MYH4: variants seen among roughly 807,000 people sequenced by gnomAD.
MYH4 encodes the protein myosin-4.
MYH4 carries 200 observed loss-of-function variants against 229.9 expected under a neutral mutation model. The observed-to-expected ratio is 0.87, with a 90% CI of 0.78 to 0.98. The LOEUF is 0.98. Among genes scored for constraint, MYH4 ranks in the 50% least tolerant of loss-of-function variants. The pLI, the probability that MYH4 is intolerant of heterozygous loss-of-function variation, is 0.00. For synonymous variants in MYH4, 761 were observed against 834.6 expected (o/e 0.91, Z 1.52); for missense variants, 2,148 against 2,332.6 (o/e 0.92, Z 1.63).
In MYH4 at chr17:10,452,052, C is replaced by T. The variant is rs2072579986; in HGVS notation, c.3627G>A (p.Glu1209=). The change falls in exon 27 of 40, where the codon GAG becomes GAA. Residue 1209 remains glutamate, a synonymous_variant. Coordinates refer to ENST00000255381, the MANE Select transcript of MYH4 (RefSeq NM_017533.2). ...KHADSVAELG[E]QIDSLQRVKQ... Reference sequence around the variant, plus strand: ...TGACCCGCTGAAGGCTGTCAATCTGCTCCCCAAGCTCAGCCACACTATCTG... The same window carrying T: ...TGACCCGCTGAAGGCTGTCAATCTGTTCCCCAAGCTCAGCCACACTATCTG... The T allele has an allele frequency of 4.3e-6, 7 of 1,613,928 alleles. No homozygotes were observed. Among genetic ancestry groups the T allele is most frequent in the Non-Finnish European group, 5.9e-6 (7 of 1,179,962 alleles).
chr17:10,449,973 A>G (rs949798740), intron 30 of MYH4, among the ~76,000 whole-genome samples: 5 of 152,200 alleles, frequency 3.3e-5, no homozygotes, highest in Non-Finnish European at 7.3e-5. Context: ...GTCCGCAAAC[A>G]GTACGTGTAA....
Position 10,457,603 on chromosome 17 carries a change from C to A in MYH4, c.1714G>T (p.Ala572Ser), listed in dbSNP as rs541313954. ...KSNNFQKPKP[A>S]KGKPEAHFSL... Reference sequence around the variant, plus strand: ...AAGTGAGCCTCAGGCTTGCCTTTGGCAGGCTTGGGCTTCTGGAAGTTGTTG... The same window carrying A: ...AAGTGAGCCTCAGGCTTGCCTTTGGAAGGCTTGGGCTTCTGGAAGTTGTTG... The change falls in exon 16 of 40, where the codon GCC becomes TCC. Residue 572 changes from alanine to serine, a missense_variant. Transcript: ENST00000255381. The A allele has an allele frequency of 1.2e-6, 2 of 1,614,196 alleles. No individual in the cohort carries two copies. Among genetic ancestry groups the A allele is most frequent in the East Asian group, 4.5e-5 (2 of 44,872 alleles).
At position 10,455,516 on chromosome 17, in the gene MYH4, G is replaced by A; in HGVS notation, c.2174+98C>T. On this transcript the variant is annotated intron_variant, in intron 19 of 39. Coordinates refer to ENST00000255381, the MANE Select transcript of MYH4 (RefSeq NM_017533.2). The stretch of plus-strand genomic sequence containing the variant: ...TTTTATGATCAATTTTCAAATAATT[G>A]CATGTCATTTTTCAAGGAAAAGTTT... The A allele has an allele frequency of 2.7e-6, 4 of 1,472,470 alleles. No individual in the cohort carries two copies. In the South Asian group the frequency reaches 5.0e-5, roughly 18 times the overall value. 91.2% of individuals were successfully genotyped at this position (1,472,470 alleles called of 1,614,324 possible). A position where few individuals can be genotyped will look rare whatever the true frequency, so the allele number is the denominator to read the frequency against.
chr17:10,448,592 G>T, intron 32 of MYH4, 26 bp downstream of exon 32: 1 of 1,608,616 alleles, frequency 6.2e-7, no homozygotes, highest in Non-Finnish European at 8.5e-7. Flanking sequence ...TACCATTTTT[G>T]AAATAGAATG....
At chr17:10,453,086 G>A in intron 24 of MYH4, 66 bp downstream of exon 24, 1 of 1,605,736 alleles carries the variant, frequency 6.2e-7, no homozygotes, top group South Asian at 1.1e-5. Flanking sequence ...ATGACTATCA[G>A]TGCTGGTTTC....
At chr17:10,462,343 G>C (rs1293551056) in intron 11 of MYH4, among the ~76,000 whole-genome samples, 1 of 152,086 alleles carries the variant, frequency 6.6e-6, no homozygotes, top group Admixed American at 6.6e-5. Context: ...GGCTTATGGA[G>C]TCCCCAAAAT....
At chr17:10,454,031 G>A (rs1057413204) in intron 22 of MYH4, 146 bp from the exon 23 acceptor site, 17 of 1,093,850 alleles carry the variant, frequency 1.6e-5, no homozygotes, top group Non-Finnish European at 2.1e-5. Flanking sequence ...CAGACAAAAT[G>A]TTAATACTGT....
chr17:10,448,914 A>G lies in MYH4; in HGVS notation c.4315T>C (p.Ser1439Pro). The G allele has an allele frequency of 6.2e-7, 1 of 1,614,168 alleles. No individual in the cohort carries two copies. The highest frequency in any genetic ancestry group is 8.5e-7 in the Non-Finnish European group (1 of 1,180,018). The change falls in exon 31 of 40, where the codon TCT becomes CCT. Residue 1439 changes from serine (S) to proline (P), a missense_variant. Coordinates refer to ENST00000255381, the MANE Select transcript of MYH4 (RefSeq NM_017533.2). ...TCGAGAGCTATGCAGGCAGCATTAG[A>G]TCGTTCCACATCAATCATGAGGTCC... ...VEDLMIDVER[S>P]NAACIALDKK...
Position 10,447,906 on chromosome 17 carries a change from A to C in MYH4, c.4877T>G (p.Leu1626Arg), listed in dbSNP as rs2072529200. 15 of 1,614,028 alleles carry C rather than the reference A, an allele frequency of 9.3e-6. No homozygotes were observed. Among genetic ancestry groups the C allele is most frequent in the Non-Finnish European group, 1.2e-5 (14 of 1,179,994 alleles). The change falls in exon 34 of 40, where the codon CTT becomes CGT. Residue 1626 changes from leucine to arginine, a missense_variant. By Grantham distance (102) the Leu-to-Arg change is moderately radical. Transcript: ENST00000255381. ...LRIKKKMEGD[L>R]NEMEIQLNHA... is the part of the protein sequence containing the mutation. ...GTTCAGCTGGATTTCCATTTCATTA[A>C]GATCTCCCTCCATCTTCTTCTTGAT... is the stretch of plus-strand genomic sequence containing the variant.
chr17:10,449,045 T>C lies in MYH4; in HGVS notation c.4184A>G (p.Lys1395Arg). 6.2e-7 allele frequency: 1 copy of C among 1,613,874 alleles called. No homozygotes were observed. Among genetic ancestry groups the C allele is most frequent in the Non-Finnish European group, 8.5e-7 (1 of 1,179,948 alleles). The change falls in exon 31 of 40, where the codon AAG becomes AGG. Residue 1395 changes from lysine (K) to arginine (R), a missense_variant and splice_region_variant. Transcript: ENST00000255381. ...QRTEELEEAK[K>R]KLAQRLQDAE... ...ATCCTGCAGACGCTGGGCTAGCTTC[T>C]TCCTGAAAATTGGGTCAGTATGAGT...
Position 10,463,620 on chromosome 17 carries a change from G to C in MYH4, c.672C>G (p.Ile224Met), listed in dbSNP as rs769775406. Residue 224 changes from isoleucine to methionine, a missense_variant, in exon 8 of 40, where the codon ATC (isoleucine) becomes ATG (methionine). Coordinates refer to ENST00000255381, the MANE Select transcript of MYH4 (RefSeq NM_017533.2). The part of the protein sequence containing the change: ...KMQGTLEDQI[I>M]SANPLLEAFG... ...AGGCTTCCAGTAGGGGGTTAGCACT[G>C]ATGATTTGATCTTCAAGGGTCCCCT... is the stretch of plus-strand genomic sequence containing the variant. The C allele has an allele frequency of 5.6e-6, 9 of 1,610,792 alleles. No homozygotes were observed. The highest frequency in any genetic ancestry group is 1.7e-4 in the Middle Eastern group (1 of 6,038).
Position 10,455,188 on chromosome 17 carries a change from T to A in MYH4, c.2282A>T (p.Lys761Ile), listed in dbSNP as rs1277876476. Residue 761 changes from lysine (K) to isoleucine (I), a missense_variant, in exon 20 of 40, where the codon AAA becomes ATA. By Grantham distance (102) the Lys-to-Ile change is moderately radical (BLOSUM62 -3). Transcript: ENST00000255381. ...TGGTGATACCTTGGTATGACCGAAT[T>A]TGTACTGGGTGTGGTCAATTTCAAT... Reference protein sequence around the residue: ...GSIEIDHTQYKFGHTKVFFKA... With the variant: ...GSIEIDHTQYIFGHTKVFFKA... 6.2e-7 allele frequency: 1 copy of A among 1,614,200 alleles called. No individual in the cohort carries two copies. The highest frequency in any genetic ancestry group is 1.7e-5 in the Admixed American group (1 of 60,022).
chr17:10,451,507 G>A (rs1567700287), intron 27 of MYH4, 55 bp from the exon 28 acceptor site: 3 of 1,565,744 alleles, frequency 1.9e-6, no homozygotes, highest in Non-Finnish European at 2.6e-6. Flanking sequence ...TCTAGAGGCT[G>A]GGATTTAGAG....
intron 35 of MYH4, among the ~76,000 whole-genome samples, chr17:10,446,167 A>G (rs2072510532): frequency 6.6e-6 from 1 of 151,978 alleles, no homozygotes; most frequent in Non-Finnish European, 1.5e-5. Flanking sequence ...TTGCATATTA[A>G]TTTGATTTTA....
chr17:10,468,823 G>A (rs2072792932), intron 2 of MYH4, among the ~76,000 whole-genome samples: 1 of 152,206 alleles, frequency 6.6e-6, no homozygotes, highest in African/African-American at 2.4e-5. Context: ...ACTGGGACAT[G>A]AGTCCTGTTC....
rs866328008 is a variant in MYH4 at position 10,461,012 on chromosome 17, C to T, written c.1051G>A (p.Ala351Thr). The T allele has an allele frequency of 1.2e-6, 2 of 1,614,066 alleles. No individual in the cohort carries two copies. The highest frequency in any genetic ancestry group is 2.2e-5 in the East Asian group (1 of 44,872). The change falls in exon 12 of 40, where the codon GCC becomes ACC. Residue 351 changes from alanine to threonine, a missense_variant. Transcript: ENST00000255381. ...ILGFTADEKV[A>T]IYKLTGAVMH... Reference sequence around the variant, plus strand: ...ACGGCTCCAGTGAGCTTGTAAATGGCCACCTTTTCATCAGCAGTGAAACCC... The same window carrying T: ...ACGGCTCCAGTGAGCTTGTAAATGGTCACCTTTTCATCAGCAGTGAAACCC...
At chr17:10,450,263 T>A (rs1347507968) in intron 30 of MYH4, among the ~76,000 whole-genome samples, 190 bp downstream of exon 30, 1 of 152,172 alleles carries the variant, frequency 6.6e-6, no homozygotes, top group East Asian at 1.9e-4. Context: ...AGGGATCTGG[T>A]CTCATTCCAT....
chr17:10,443,558 G>T lies in MYH4; in HGVS notation c.5668-31C>A. ...AACAGAGATGCATTTGAGATAACAA[G>T]AAAATTGGACATTTCCTGATTGTTA... On this transcript the variant is annotated intron_variant, in intron 39 of 39. Transcript: ENST00000255381. The surrounding 1 kb of genome is among the most constrained non-coding windows in gnomAD (Gnocchi z 4.6). 2 of 1,588,690 alleles carry T rather than the reference G, an allele frequency of 1.3e-6. No individual in the cohort carries two copies. Among genetic ancestry groups the T allele is most frequent in the Non-Finnish European group, 1.7e-6 (2 of 1,165,170 alleles).
At chr17:10,465,860 C>T (rs867356499) in intron 4 of MYH4, among the ~76,000 whole-genome samples, 74 of 147,404 alleles carry the variant, frequency 5.0e-4, no homozygotes, top group African/African-American at 1.7e-3. Context: ...CTGCAAGCTC[C>T]GCCTCCCGGG....
Sources: gnomAD v4.1 joint callset for allele counts (sites outside exome capture counted in the v4.1 genomes callset) on GRCh38, gnomAD v4.1.1 for gene constraint, Gnocchi (gnomAD v3.1) non-coding constraint, MANE v1.5 for transcripts, NCBI Gene and HGNC (gene_info 2026-07-23, HGNC 2026-07-21) for gene names.